The following DCAF6 variants were observed in gnomAD, a reference collection of about 807,000 sequenced individuals.
DCAF6 encodes the protein DDB1 and CUL4 associated factor 6.
DCAF6 carries 54 observed loss-of-function variants against 125.1 expected under a neutral mutation model. The ratio of observed to expected loss-of-function variants is 0.43; its 90% confidence interval spans 0.35 to 0.54. The LOEUF (loss-of-function observed/expected upper bound fraction) is 0.54, where lower values mean the gene tolerates loss of function less well. Ranked by LOEUF, DCAF6 falls within the 20% of genes least tolerant of loss-of-function variation. The pLI is 0.01. For synonymous variants in DCAF6, 371 were observed against 390.4 expected, an observed-to-expected ratio of 0.95 and a Z score of 0.58; for missense variants, 934 against 1,161.7, an observed-to-expected ratio of 0.80 and a Z score of 2.85.
intron 10 of DCAF6, among the ~76,000 whole-genome samples, chr1:168,008,157 A>G (rs1225935554): frequency 6.6e-6 from 1 of 151,474 alleles, no homozygotes; most frequent in Non-Finnish European, 1.5e-5. Context: ...TTTAGTAGAG[A>G]TGGGGTTCCC....
chr1:167,883,940 A>T, the DCAF6 span, among the ~76,000 whole-genome samples: 2 of 152,102 alleles, frequency 1.3e-5, no homozygotes, highest in Admixed American at 1.3e-4. Context: ...TGGCTCTCCT[A>T]TTTTTAAAAA....
intron 7 of DCAF6, chr1:167,998,665 C>T (rs963713310): frequency 3.9e-5 from 6 of 153,704 alleles, no homozygotes; most frequent in Middle Eastern, 6.8e-4. Flanking sequence ...TTGCTTCTTA[C>T]GGATGAGCAA....
intron 2 of DCAF6, 53 bp from the exon 3 acceptor site, chr1:167,966,576 A>G (rs758653644): frequency 1.7e-6 from 2 of 1,152,018 alleles, no homozygotes; most frequent in Non-Finnish European, 2.6e-6. Flanking sequence ...GAAAGATGGC[A>G]TATTTTCTTT....
chr1:168,003,359 C>G (rs1182909377), intron 8 of DCAF6, among the ~76,000 whole-genome samples: 2 of 152,144 alleles, frequency 1.3e-5, no homozygotes, highest in Non-Finnish European at 2.9e-5. Context: ...AAAATACTTT[C>G]TGGTTCCAGT....
In DCAF6 at chr1:168,075,399, C is replaced by A; in HGVS notation, c.2820C>A (p.Gly940=). ...ADRLEGDRSE[G]SGQENENEDE... ...GGTTGGAGGGTGACAGATCAGAAGGCTCTGGTCAAGAGAATGAAAATGAGG... is the reference window on the plus strand; with the variant it reads ...GGTTGGAGGGTGACAGATCAGAAGGATCTGGTCAAGAGAATGAAAATGAGG... Residue 940 remains glycine, a synonymous_variant, in exon 22 of 22, where the codon GGC becomes GGA. Transcript: ENST00000367840. The A allele has an allele frequency of 6.9e-6, 11 of 1,604,378 alleles. No homozygotes were observed. In the South Asian group the frequency reaches 1.3e-4, roughly 18 times the overall value.
intron 4 of DCAF6, among the ~76,000 whole-genome samples, chr1:167,978,065 TCATC>T: frequency 6.6e-6 from 1 of 152,224 alleles, no homozygotes; most frequent in Admixed American, 6.5e-5. Context: ...TTTGTGAAAT[TCATC>T]CATGTTGTGT....
intron 12 of DCAF6, among the ~76,000 whole-genome samples, chr1:168,028,898 A>T (rs550378808): frequency 6.6e-6 from 1 of 152,298 alleles, no homozygotes; most frequent in African/African-American, 2.4e-5. Context: ...AGTATTCCCC[A>T]CACTGGAATA....
At chr1:168,034,523 T>A (rs191753130) in intron 12 of DCAF6, among the ~76,000 whole-genome samples, 307 of 152,002 alleles carry the variant, frequency 2.0e-3, no homozygotes, top group Non-Finnish European at 3.2e-3. Context: ...AAGGATGGAG[T>A]GGGGGAGGAA....
the DCAF6 span, among the ~76,000 whole-genome samples, chr1:167,906,826 G>T: frequency 6.6e-6 from 1 of 151,832 alleles, no homozygotes; most frequent in Admixed American, 6.6e-5. Context: ...AAAGGTACAA[G>T]AAAATTGAAT....
intron 4 of DCAF6, among the ~76,000 whole-genome samples, chr1:167,978,357 C>A (rs1678570230): frequency 6.6e-6 from 1 of 152,152 alleles, no homozygotes; most frequent in Non-Finnish European, 1.5e-5. Flanking sequence ...GGTCCTGTTG[C>A]TTCTGATCTT....
intron 4 of DCAF6, 36 bp downstream of exon 4, chr1:167,975,051 AGTAT>A: frequency 7.2e-7 from 1 of 1,379,386 alleles, no homozygotes; most frequent in Non-Finnish European, 9.7e-7. Context: ...TATATATGTA[AGTAT>A]GTATATTTTT....
intron 10 of DCAF6, among the ~76,000 whole-genome samples, chr1:168,008,724 C>T (rs1032515227): frequency 6.6e-6 from 1 of 152,086 alleles, no homozygotes; most frequent in East Asian, 1.9e-4. Context: ...TTCCCTGTCT[C>T]TCTAGCCTCA....
At chr1:167,918,385 A>G in the DCAF6 span, 2 of 1,380,774 alleles carry the variant, frequency 1.4e-6, no homozygotes, top group East Asian at 4.6e-5. Context: ...AAAGAAAAAT[A>G]ATCATCAATA....
chr1:167,963,311 A>G (rs1675905380), intron 2 of DCAF6, among the ~76,000 whole-genome samples: 1 of 151,716 alleles, frequency 6.6e-6, no homozygotes, highest in African/African-American at 2.4e-5. Context: ...ATTGACATTC[A>G]AAGGGATTAC....
intron 12 of DCAF6, among the ~76,000 whole-genome samples, chr1:168,024,976 A>G (rs1036444980): frequency 2.0e-5 from 3 of 152,146 alleles, no homozygotes; most frequent in Non-Finnish European, 4.4e-5. Flanking sequence ...GGAATTAAGC[A>G]TGTGTTATTT....
chr1:167,988,439 T>G (rs1236494322), intron 5 of DCAF6, among the ~76,000 whole-genome samples: 6 of 152,144 alleles, frequency 3.9e-5, no homozygotes, highest in Non-Finnish European at 1.5e-5. Flanking sequence ...AGTGCTGAGA[T>G]TACAGGGATG....
At chr1:168,019,231 G>A (rs1161333370) in intron 11 of DCAF6, among the ~76,000 whole-genome samples, 1 of 151,962 alleles carries the variant, frequency 6.6e-6, no homozygotes, top group Admixed American at 6.6e-5. Context: ...TGTATTTTTG[G>A]TAGAGATGGG....
chr1:168,026,897 GAGGGTAGTGTGAGA>G (rs1270831273), intron 12 of DCAF6, among the ~76,000 whole-genome samples: 3 of 152,060 alleles, frequency 2.0e-5, no homozygotes, highest in Non-Finnish European at 4.4e-5. Context: ...TCTAGAAAAA[GAGGGTAGTGTGAGA>G]AGAGTAGAGT....
intron 2 of DCAF6, among the ~76,000 whole-genome samples, chr1:167,965,135 A>G (rs1676203647): frequency 6.6e-6 from 1 of 152,204 alleles, no homozygotes; most frequent in South Asian, 2.1e-4. Flanking sequence ...ATTAAAAGTA[A>G]TGGTATAAAT....
Sources: allele counts gnomAD v4.1 joint callset (sites outside exome capture counted in the v4.1 genomes callset), GRCh38; gene constraint gnomAD v4.1.1; transcripts MANE v1.5; gene names NCBI Gene and HGNC (gene_info 2026-07-23, HGNC 2026-07-21).